C1orf198: variants seen among roughly 807,000 people sequenced by gnomAD.
The protein encoded by C1orf198 is uncharacterized protein C1orf198.
C1orf198 carries 17 observed loss-of-function variants against 31.4 expected under a neutral mutation model. The ratio of observed to expected loss-of-function variants is 0.54; its 90% CI spans 0.37 to 0.81. C1orf198 has a LOEUF of 0.81. C1orf198 is among the 40% of genes least tolerant of loss of function. The probability of loss-of-function intolerance (pLI) is 0.00; values close to 1 mark genes in which losing one functional copy is unlikely to be tolerated. For missense variants in C1orf198, 401 were observed against 450.3 expected (o/e 0.89, Z 0.99); for synonymous variants, 175 against 193.8 (o/e 0.90, Z 0.81).
Position 230,839,922 on chromosome 1 carries a change from A to G in C1orf198, c.928-14T>C, listed in dbSNP as rs372998173. 22 of 1,597,030 alleles carry G rather than the reference A, an allele frequency of 1.4e-5. No homozygotes were observed. The highest frequency in any genetic ancestry group is 1.9e-5 in the Non-Finnish European group (22 of 1,174,892). Reference sequence around the variant, plus strand: ...ACTTGAGCTGACCTGTAGAAGGGACAAAAACATGGAAGTAAGACGAGCCTC... The same window carrying G: ...ACTTGAGCTGACCTGTAGAAGGGACGAAAACATGGAAGTAAGACGAGCCTC... On this transcript the variant is annotated splice_polypyrimidine_tract_variant and intron_variant, in intron 3 of 3. Coordinates refer to ENST00000366663, the MANE Select transcript of C1orf198 (RefSeq NM_032800.3).
intron 1 of C1orf198, among the ~76,000 whole-genome samples, chr1:230,865,551 C>T (rs1211816862): frequency 6.6e-6 from 1 of 152,184 alleles, no homozygotes; most frequent in African/African-American, 2.4e-5. Flanking sequence ...ACTGATAGGT[C>T]CCTTCACGGC....
At position 230,865,261 on chromosome 1, in the gene C1orf198, C is replaced by T. The variant is rs1389070563; in HGVS notation, c.333+2919G>A. 2.6e-5 allele frequency among the ~76,000 whole-genome samples: 4 copies of T among 152,314 alleles called. No homozygotes were observed. The East Asian group carries it at 7.7e-4, about 29-fold the overall frequency. On this transcript the variant is annotated intron_variant, in intron 1 of 3. Transcript: ENST00000366663. ...AATCCAGGACATGGGGCTCCACCGG[C>T]TCCTCTCCTTTTGCTGGTTGAGAAG...
chr1:230,845,623 C>T (rs898511313), intron 2 of C1orf198, among the ~76,000 whole-genome samples: 7 of 151,362 alleles, frequency 4.6e-5, no homozygotes, highest in Admixed American at 1.3e-4. Flanking sequence ...GTGGAGGTTG[C>T]GGTGAGCCAA....
At chr1:230,865,096 A>G (rs999249200) in intron 1 of C1orf198, among the ~76,000 whole-genome samples, 1 of 152,204 alleles carries the variant, frequency 6.6e-6, no homozygotes, top group African/African-American at 2.4e-5. Context: ...GCACGGCCCC[A>G]GTGTCTGGGC....
chr1:230,839,552 G>A lies in C1orf198; in HGVS notation c.*300C>T, dbSNP rs1489555330. 9 of 308,720 alleles carry A rather than the reference G, an allele frequency of 2.9e-5. No homozygotes were observed. Among genetic ancestry groups the A allele is most frequent in the African/African-American group, 1.8e-4 (8 of 44,144 alleles). The allele number at this position is 308,720 out of a possible 1,614,324, so 19.1% of individuals were successfully genotyped here. A position where few individuals can be genotyped will look rare whatever the true frequency, so the allele number is the denominator to read the frequency against. On this transcript the variant is annotated 3_prime_UTR_variant, in exon 4 of 4. Transcript: ENST00000366663. ...TGGTTGAAACACATCCTTTGAGGAG[G>A]GGGAAAGTTGGGTGGAGCTGGGAAC...
chr1:230,856,062 T>G, intron 1 of C1orf198: 1 of 937,960 alleles, frequency 1.1e-6, no homozygotes, highest in South Asian at 5.1e-5. Context: ...CCCTGAACAA[T>G]GATTAGCTGT....
intron 2 of C1orf198, among the ~76,000 whole-genome samples, chr1:230,847,796 G>C (rs2102978639): frequency 6.6e-6 from 1 of 152,308 alleles, no homozygotes; most frequent in East Asian, 1.9e-4. Context: ...GCCCAACTCA[G>C]GGGACAAAGT....
rs1433340736 is a variant in C1orf198, at chr1:230,857,101, T to C, written c.334-1383A>G. 6.6e-6 allele frequency among the ~76,000 whole-genome samples: 1 copy of C among 152,106 alleles called. No homozygotes were observed. The highest frequency in any genetic ancestry group is 1.9e-4 in the East Asian group (1 of 5,184). On this transcript the variant is annotated intron_variant, in intron 1 of 3. Coordinates refer to ENST00000366663, the MANE Select transcript of C1orf198 (RefSeq NM_032800.3). This position sits in a 1 kb window ranked among gnomAD's most constrained non-coding sequence, Gnocchi z 4.2. Reference sequence around the variant, plus strand: ...AGTGTGCGTTCTCTGTGCAGACGCCTCCTAACATGAACAGCCAGTGGGAGG... The same window carrying C: ...AGTGTGCGTTCTCTGTGCAGACGCCCCCTAACATGAACAGCCAGTGGGAGG...
At chr1:230,850,743 A>G (rs1359141754) in intron 2 of C1orf198, among the ~76,000 whole-genome samples, 1 of 151,378 alleles carries the variant, frequency 6.6e-6, no homozygotes, top group East Asian at 2.0e-4. Context: ...AAGCACAGAG[A>G]CCAAGTTGCG....
chr1:230,847,199 A>G (rs949349842), intron 2 of C1orf198, among the ~76,000 whole-genome samples: 21 of 150,910 alleles, frequency 1.4e-4, no homozygotes, highest in Non-Finnish European at 2.9e-4. Flanking sequence ...GAATCGCTTG[A>G]ACTCAGGAGG....
At chr1:230,868,798 C>T (rs1428231460), upstream of C1orf198, 10 of 157,254 alleles carry the variant, frequency 6.4e-5, no homozygotes, top group Non-Finnish European at 1.1e-4. Flanking sequence ...CCGCAGGTTT[C>T]GGGCTCCCCT....
chr1:230,868,244 T>G lies in C1orf198; in HGVS notation c.269A>C (p.Glu90Ala). The change falls in exon 1 of 4, where the codon GAG becomes GCG. Residue 90 changes from glutamate (E) to alanine (A), a missense_variant. Physicochemically the swap from Glu to Ala is moderately radical, Grantham distance 107 (BLOSUM62 -1). Transcript: ENST00000366663. ...GCGCAAGCCGGGGAAGCGCGTGAGC[T>G]CCTCCGAGTCCCCGGGGTCTCGGGG... ...PAPRDPGDSE[E>A]LTRFPGLRGP... 1 of 1,557,344 alleles carries G rather than the reference T, an allele frequency of 6.4e-7. No individual in the cohort carries two copies. The highest frequency in any genetic ancestry group is 8.7e-7 in the Non-Finnish European group (1 of 1,154,564).
At chr1:230,861,584 A>C (rs1670005523) in intron 1 of C1orf198, among the ~76,000 whole-genome samples, 1 of 152,234 alleles carries the variant, frequency 6.6e-6, no homozygotes, top group Non-Finnish European at 1.5e-5. Flanking sequence ...GTATCTGGTC[A>C]TGGCAACCAG....
intron 1 of C1orf198, among the ~76,000 whole-genome samples, chr1:230,865,360 G>C (rs1006285358): frequency 6.6e-6 from 1 of 152,196 alleles, no homozygotes; most frequent in Non-Finnish European, 1.5e-5. Flanking sequence ...CGGGGCCTAG[G>C]TTGAAGCTAT....
chr1:230,856,984 T>G (rs904979849), intron 1 of C1orf198, among the ~76,000 whole-genome samples: 15 of 152,152 alleles, frequency 9.9e-5, no homozygotes, highest in African/African-American at 3.6e-4. Flanking sequence ...CACCCTAGCT[T>G]AGCCTCAGAC....
Position 230,857,021 on chromosome 1 carries a change from C to G in C1orf198, c.334-1303G>C, listed in dbSNP as rs1056048218. Among the ~76,000 whole-genome samples the G allele has an allele frequency of 6.6e-6, 1 of 152,214 alleles. No individual in the cohort carries two copies. The highest frequency in any genetic ancestry group is 2.4e-5 in the African/African-American group (1 of 41,448). On this transcript the variant is annotated intron_variant, in intron 1 of 3. Coordinates refer to ENST00000366663, the MANE Select transcript of C1orf198 (RefSeq NM_032800.3). This position sits in a 1 kb window ranked among gnomAD's most constrained non-coding sequence, Gnocchi z 4.2. ...CTGGGGGCAAATGCCAGGGCCCACGCAGGGGGAGTGCCTCACCAACACATA... is the reference window on the plus strand; with the variant it reads ...CTGGGGGCAAATGCCAGGGCCCACGGAGGGGGAGTGCCTCACCAACACATA...
upstream of C1orf198, chr1:230,868,562 C>G: frequency 8.5e-7 from 1 of 1,169,892 alleles, no homozygotes; most frequent in South Asian, 4.2e-5. Flanking sequence ...TCGCTGTGCC[C>G]GCCCTCGCCC....
At chr1:230,869,309 A>C (rs1670205487), upstream of C1orf198, 2 of 152,318 alleles carry the variant, frequency 1.3e-5, no homozygotes, top group Admixed American at 1.3e-4. Flanking sequence ...GTTTGCAAAC[A>C]AACCAAAGAG....
intron 2 of C1orf198, among the ~76,000 whole-genome samples, chr1:230,848,415 G>A (rs1202907573): frequency 6.6e-6 from 1 of 152,204 alleles, no homozygotes; most frequent in Admixed American, 6.5e-5. Context: ...GGGTGTGTGG[G>A]TAGGAAGGGG....
Sources: allele counts gnomAD v4.1 joint callset (sites outside exome capture counted in the v4.1 genomes callset), GRCh38; gene constraint gnomAD v4.1.1; non-coding constraint Gnocchi (gnomAD v3.1); transcripts MANE v1.5; gene names NCBI Gene and HGNC (gene_info 2026-07-23, HGNC 2026-07-21).